The following NRG3 variants were observed in gnomAD, a reference collection of about 807,000 sequenced individuals.
NRG3 encodes pro-neuregulin-3, membrane-bound isoform.
In NRG3, 31 loss-of-function variants were observed where a neutral mutation model predicts 66.9. The ratio of observed to expected loss-of-function variants is 0.46; its 90% CI spans 0.35 to 0.63. NRG3 has a LOEUF of 0.63. Among genes scored for constraint, NRG3 ranks in the 20% least tolerant of loss-of-function variants. The probability of loss-of-function intolerance (pLI) is 0.00; values close to 1 mark genes in which losing one functional copy is unlikely to be tolerated. For synonymous variants in NRG3, 393 were observed against 359.4 expected (o/e 1.09, Z -1.06); for missense variants, 910 against 878.9 (o/e 1.04, Z -0.45).
At chr10:82,942,000 T>C (rs1484742091) in intron 4 of NRG3, among the ~76,000 whole-genome samples, 2 of 148,088 alleles carry the variant, frequency 1.4e-5, no homozygotes, top group Non-Finnish European at 3.0e-5. Flanking sequence ...TAGGTTTGTG[T>C]GTGTGTGTGT....
At chr10:82,112,453 C>T (rs1047314455) in intron 1 of NRG3, among the ~76,000 whole-genome samples, 16 of 151,920 alleles carry the variant, frequency 1.1e-4, no homozygotes, top group Non-Finnish European at 1.8e-4. Context: ...CCTTTGTTTC[C>T]GATTTTATGG....
intron 1 of NRG3, among the ~76,000 whole-genome samples, chr10:82,013,611 ACGT>A (rs986574287): frequency 2.0e-5 from 3 of 152,166 alleles, no homozygotes; most frequent in African/African-American, 7.2e-5. Flanking sequence ...CAGAAATTCA[ACGT>A]CGTATGTTTT....
chr10:82,023,294 A>T (rs1017283139), intron 1 of NRG3, among the ~76,000 whole-genome samples: 3 of 152,000 alleles, frequency 2.0e-5, no homozygotes, highest in Non-Finnish European at 4.4e-5. Flanking sequence ...ATATAATATC[A>T]TGTGTGAACA....
At chr10:82,865,240 A>G (rs1439577085) in intron 3 of NRG3, among the ~76,000 whole-genome samples, 171 bp from the exon 4 acceptor site, 3 of 152,184 alleles carry the variant, frequency 2.0e-5, no homozygotes, top group Non-Finnish European at 2.9e-5. Flanking sequence ...GAGTAACTCT[A>G]CTGTTGGTGA....
chr10:82,579,475 G>A (rs970609461), intron 2 of NRG3, among the ~76,000 whole-genome samples: 2 of 151,916 alleles, frequency 1.3e-5, no homozygotes, highest in African/African-American at 4.8e-5. Flanking sequence ...TCTCAAATAA[G>A]GGCTCAGTAA....
chr10:82,387,610 G>T (rs984909967), intron 2 of NRG3, among the ~76,000 whole-genome samples: 4 of 152,190 alleles, frequency 2.6e-5, no homozygotes, highest in South Asian at 2.1e-4. Flanking sequence ...ATGTTAGCAT[G>T]CAAATTAGCT....
At chr10:82,220,036 T>G in intron 1 of NRG3, among the ~76,000 whole-genome samples, 1 of 151,346 alleles carries the variant, frequency 6.6e-6, no homozygotes, top group East Asian at 1.9e-4. Flanking sequence ...AATACCAAAG[T>G]CAACCAGAAG....
intron 4 of NRG3, among the ~76,000 whole-genome samples, chr10:82,883,826 A>T (rs1440658715): frequency 1.3e-5 from 2 of 152,132 alleles, no homozygotes; most frequent in African/African-American, 4.8e-5. Flanking sequence ...ATACTTCCAG[A>T]GTAGCTCATA....
intron 2 of NRG3, among the ~76,000 whole-genome samples, chr10:82,372,778 A>T (rs780074097): frequency 2.0e-5 from 3 of 152,038 alleles, no homozygotes; most frequent in Admixed American, 2.0e-4. Flanking sequence ...ATTTTTAGTA[A>T]AGACAGGGTT....
chr10:82,548,369 C>T (rs1034840462), intron 2 of NRG3, among the ~76,000 whole-genome samples: 2 of 151,856 alleles, frequency 1.3e-5, no homozygotes, highest in South Asian at 2.1e-4. Context: ...TATTTCTTTC[C>T]GGGTTGTCTT....
intron 1 of NRG3, among the ~76,000 whole-genome samples, chr10:82,211,874 A>G (rs1470301152): frequency 1.3e-5 from 2 of 152,160 alleles, no homozygotes; most frequent in African/African-American, 2.4e-5. Context: ...ACACCCCTAT[A>G]CTAGAAATGC....
At chr10:82,396,867 A>G (rs1214512406) in intron 2 of NRG3, among the ~76,000 whole-genome samples, 1 of 152,170 alleles carries the variant, frequency 6.6e-6, no homozygotes, top group Non-Finnish European at 1.5e-5. Context: ...TAAAGGTAAT[A>G]GCAATGCTTT....
At chr10:81,918,607 T>C (rs1313928448) in intron 1 of NRG3, among the ~76,000 whole-genome samples, 2 of 152,210 alleles carry the variant, frequency 1.3e-5, no homozygotes, top group East Asian at 3.8e-4. Flanking sequence ...ATTAATGCCT[T>C]ATTTGCATGT....
At position 82,054,413 on chromosome 10, in the gene NRG3, G is replaced by C. The variant is rs76802033; in HGVS notation, c.823+178250G>C. On this transcript the variant is annotated intron_variant, in intron 1 of 8. Coordinates refer to ENST00000372141, the MANE Select transcript of NRG3 (RefSeq NM_001010848.4). ...GAGTCAAGGATGACTCGAAGACTTT[G>C]TGCATAAAAGACTAAGTGGAAGAGT... 1.1e-3 allele frequency among the ~76,000 whole-genome samples: 172 copies of C among 152,286 alleles called. 3 individuals are homozygous for C. In the East Asian group the frequency reaches 0.027, roughly 24 times the overall value.
At position 82,310,331 on chromosome 10, in the gene NRG3, G is replaced by A. The variant is rs189029742; in HGVS notation, c.824-48408G>A. ...TGGATTTTTCTACCAGGCTGACTCAGGTTGAATGCTGTTCATTTCTGGGTT... is the reference window on the plus strand; with the variant it reads ...TGGATTTTTCTACCAGGCTGACTCAAGTTGAATGCTGTTCATTTCTGGGTT... On this transcript the variant is annotated intron_variant, in intron 1 of 8. Coordinates refer to ENST00000372141, the MANE Select transcript of NRG3 (RefSeq NM_001010848.4). Among the ~76,000 whole-genome samples the A allele has an allele frequency of 1.1e-4, 16 of 152,288 alleles. No homozygotes were observed. In the East Asian group the frequency reaches 3.1e-3, roughly 29 times the overall value.
intron 2 of NRG3, among the ~76,000 whole-genome samples, chr10:82,662,766 C>A (rs11195471): frequency 0.025 from 3,878 of 152,214 alleles, 154 homozygotes; most frequent in African/African-American, 0.088. Context: ...AGAAGTACAT[C>A]TCTCCCTCAA....
At chr10:82,914,722 G>C (rs567421692) in intron 4 of NRG3, among the ~76,000 whole-genome samples, 1 of 151,770 alleles carries the variant, frequency 6.6e-6, no homozygotes, top group South Asian at 2.1e-4. Context: ...GAGCCCCAGA[G>C]GTGGGTCCTT....
chr10:82,216,693 CA>C (rs2075705214), intron 1 of NRG3, among the ~76,000 whole-genome samples: 5 of 151,136 alleles, frequency 3.3e-5, no homozygotes, highest in Admixed American at 1.3e-4. Flanking sequence ...AAATTTTCTT[CA>C]GTCTCATAGC....
At chr10:82,506,553 C>T (rs908494632) in intron 2 of NRG3, among the ~76,000 whole-genome samples, 1 of 151,926 alleles carries the variant, frequency 6.6e-6, no homozygotes, top group African/African-American at 2.4e-5. Flanking sequence ...CCTCCTTTTC[C>T]TCTCTTACTC....
Sources: gnomAD v4.1 joint callset for allele counts (sites outside exome capture counted in the v4.1 genomes callset) on GRCh38, gnomAD v4.1.1 for gene constraint, MANE v1.5 for transcripts, NCBI Gene and HGNC (gene_info 2026-07-23, HGNC 2026-07-21) for gene names.